PGAP1: variants seen among roughly 807,000 people sequenced by gnomAD.
PGAP1 encodes GPI inositol-deacylase.
In PGAP1, 76 loss-of-function variants were observed where a neutral mutation model predicts 127.0. The ratio of observed to expected loss-of-function variants is 0.60; its 90% CI spans 0.50 to 0.72. The LOEUF is 0.72. Ranked by LOEUF, PGAP1 falls within the 30% of genes least tolerant of loss-of-function variation. The pLI, the probability that PGAP1 is intolerant of heterozygous loss-of-function variation, is 0.00. For missense variants in PGAP1, 982 were observed against 1,071.3 expected, an observed-to-expected ratio of 0.92 and a Z score of 1.16; for synonymous variants, 362 against 366.5, an observed-to-expected ratio of 0.99 and a Z score of 0.14.
chr2:196,880,861 T>G (rs1576145990), intron 12 of PGAP1, among the ~76,000 whole-genome samples: 2 of 152,336 alleles, frequency 1.3e-5, no homozygotes, highest in African/African-American at 4.8e-5. Flanking sequence ...GTTTTCTTTC[T>G]TGTTTTAATT....
chr2:196,849,164 T>C (rs1700643110), intron 20 of PGAP1, among the ~76,000 whole-genome samples: 1 of 152,078 alleles, frequency 6.6e-6, no homozygotes, highest in African/African-American at 2.4e-5. Flanking sequence ...ATCAAGTCAG[T>C]TGAAACCAAG....
intron 12 of PGAP1, among the ~76,000 whole-genome samples, chr2:196,882,442 G>A (rs1471043221): frequency 2.0e-5 from 3 of 152,202 alleles, no homozygotes; most frequent in African/African-American, 7.2e-5. Flanking sequence ...GCTTTGGACA[G>A]TATGGCCATT....
At chr2:196,901,323 C>G (rs1490276159) in intron 5 of PGAP1, among the ~76,000 whole-genome samples, 5 of 152,136 alleles carry the variant, frequency 3.3e-5, no homozygotes, top group Admixed American at 2.0e-4. Context: ...TGGGTAATAG[C>G]AGAATAGCTT....
At chr2:196,848,516 G>A (rs1162249332) in intron 20 of PGAP1, among the ~76,000 whole-genome samples, 1 of 152,002 alleles carries the variant, frequency 6.6e-6, no homozygotes, top group Non-Finnish European at 1.5e-5. Flanking sequence ...CTTCTCTAAA[G>A]ATAGGCCTAT....
chr2:196,904,388 A>G (rs1022743966), intron 4 of PGAP1, among the ~76,000 whole-genome samples: 1 of 152,166 alleles, frequency 6.6e-6, no homozygotes, highest in Non-Finnish European at 1.5e-5. Flanking sequence ...GAAAACAAAG[A>G]AAATGAAGAG....
chr2:196,846,137 T>C, intron 22 of PGAP1, 120 bp from the exon 23 acceptor site: 1 of 506,328 alleles, frequency 2.0e-6, no homozygotes, highest in Non-Finnish European at 3.2e-6. Flanking sequence ...ATACATAAGG[T>C]AAACAACAAG....
intron 9 of PGAP1, 106 bp downstream of exon 9, chr2:196,892,240 A>T: frequency 1.8e-6 from 1 of 570,456 alleles, no homozygotes; most frequent in Admixed American, 3.5e-5. Context: ...AATTGTGGGA[A>T]AATGGCATGC....
At chr2:196,849,190 T>C (rs1017974144) in intron 20 of PGAP1, among the ~76,000 whole-genome samples, 1 of 152,078 alleles carries the variant, frequency 6.6e-6, no homozygotes, top group African/African-American at 2.4e-5. Context: ...CGAGACCTTT[T>C]TCAGACTTTC....
chr2:196,870,909 T>C (rs756514230), intron 19 of PGAP1, 32 bp downstream of exon 19: 1 of 1,577,872 alleles, frequency 6.3e-7, no homozygotes, highest in South Asian at 1.1e-5. Flanking sequence ...CATAAAGCAG[T>C]AAATAATCAA....
At chr2:196,911,670 T>C (rs2125833287) in intron 4 of PGAP1, among the ~76,000 whole-genome samples, 1 of 142,036 alleles carries the variant, frequency 7.0e-6, no homozygotes, top group Non-Finnish European at 1.5e-5. Context: ...GGTAAGAAGC[T>C]ATATACATTT....
At chr2:196,885,545 TC>T in intron 11 of PGAP1, 70 bp from the exon 12 acceptor site, 1 of 1,194,136 alleles carries the variant, frequency 8.4e-7, no homozygotes, top group Non-Finnish European at 1.2e-6. Flanking sequence ...TAAATAAGAT[TC>T]AGAGGAAAAA....
intron 20 of PGAP1, among the ~76,000 whole-genome samples, chr2:196,850,354 G>A (rs1866186): frequency 0.25 from 38,653 of 152,120 alleles, 6,074 homozygotes; most frequent in African/African-American, 0.45. Context: ...AAATATTACA[G>A]TAAATGCCTA....
intron 14 of PGAP1, 69 bp downstream of exon 14, chr2:196,875,677 G>A: frequency 1.2e-6 from 1 of 812,664 alleles, no homozygotes; most frequent in Non-Finnish European, 2.1e-6. Flanking sequence ...ATATTACAAA[G>A]CTCTGCTTTA....
rs1172440666 is a variant in PGAP1 at position 196,916,587 on chromosome 2, G to A, written c.308C>T (p.Ser103Phe). Residue 103 changes from serine (S) to phenylalanine (F), a missense_variant, in exon 3 of 27, where the codon TCT becomes TTT. Ser to Phe is a radical substitution (Grantham distance 155). Coordinates refer to ENST00000354764, the MANE Select transcript of PGAP1 (RefSeq NM_024989.4). ...TTTTCTAAGTGCAATGGAGCCAATA[G>A]AACGAACTGCAGAGGAAAAGAGTGA... Reference protein sequence around the residue: ...GNAGSYKQVRSIGSIALRKAE... With the variant: ...GNAGSYKQVRFIGSIALRKAE... 1 of 1,605,560 alleles carries A rather than the reference G, an allele frequency of 6.2e-7. No individual in the cohort carries two copies. Among genetic ancestry groups the A allele is most frequent in the Non-Finnish European group, 8.5e-7 (1 of 1,176,702 alleles).
chr2:196,848,458 C>CTA (rs995761192), intron 20 of PGAP1, among the ~76,000 whole-genome samples: 10 of 152,254 alleles, frequency 6.6e-5, no homozygotes, highest in African/African-American at 2.4e-4. Flanking sequence ...TTTCTTTTAA[C>CTA]TATTACCCCC....
intron 8 of PGAP1, 96 bp from the exon 9 acceptor site, chr2:196,892,497 CAATA>C: frequency 1.7e-6 from 1 of 582,724 alleles, no homozygotes; most frequent in Non-Finnish European, 3.1e-6. Context: ...TTCTCAATCA[CAATA>C]AAGAAGTGGT....
chr2:196,879,314 T>A (rs1229165721), intron 13 of PGAP1, among the ~76,000 whole-genome samples: 1 of 152,174 alleles, frequency 6.6e-6, no homozygotes, highest in Non-Finnish European at 1.5e-5. Flanking sequence ...TTGTGTTATG[T>A]GTATTTGGGT....
rs746772595 is a variant in PGAP1, at chr2:196,916,403, A to G, written c.477+15T>C. 6.3e-7 allele frequency: 1 copy of G among 1,583,244 alleles called. No homozygotes were observed. The highest frequency in any genetic ancestry group is 8.6e-7 in the Non-Finnish European group (1 of 1,165,754). Reference sequence around the variant, plus strand: ...ATAGGTTGCACCACTATTGATTTGCATACTTATCTCTCACCTTATAGAGTT... The same window carrying G: ...ATAGGTTGCACCACTATTGATTTGCGTACTTATCTCTCACCTTATAGAGTT... On this transcript the variant is annotated intron_variant, in intron 3 of 26. Transcript: ENST00000354764.
chr2:196,861,193 G>A (rs1701051804), intron 20 of PGAP1, among the ~76,000 whole-genome samples: 2 of 151,982 alleles, frequency 1.3e-5, no homozygotes, highest in Non-Finnish European at 2.9e-5. Flanking sequence ...TCAAAATAAA[G>A]ACTTAAATTT....
Sources: gnomAD v4.1 joint callset for allele counts (sites outside exome capture counted in the v4.1 genomes callset) on GRCh38, gnomAD v4.1.1 for gene constraint, MANE v1.5 for transcripts, NCBI Gene and HGNC (gene_info 2026-07-23, HGNC 2026-07-21) for gene names.